Variants in NOVA1 observed in about 807,000 individuals in gnomAD.
The protein encoded by NOVA1 is RNA-binding protein Nova-1.
NOVA1 carries 7 observed loss-of-function variants against 38.0 expected under a neutral mutation model. The observed-to-expected ratio is 0.18, with a 90% confidence interval of 0.10 to 0.35. NOVA1 has a LOEUF of 0.35. Ranked by LOEUF, NOVA1 falls within the 10% of genes least tolerant of loss-of-function variation. NOVA1 has a pLI of 1.00. For synonymous variants in NOVA1, 270 were observed against 232.5 expected (o/e 1.16, Z -1.47); for missense variants, 460 against 616.0 (o/e 0.75, Z 2.68).
intron 2 of NOVA1, among the ~76,000 whole-genome samples, chr14:26,579,020 CTTTA>C (rs1893038543): frequency 1.3e-5 from 1 of 79,742 alleles, no homozygotes; most frequent in Non-Finnish European, 2.9e-5. Context: ...TTCTCAGTTT[CTTTA>C]TTTTTTTTTT....
chr14:26,576,517 T>G (rs1892853476), intron 2 of NOVA1, among the ~76,000 whole-genome samples: 2 of 151,916 alleles, frequency 1.3e-5, no homozygotes, highest in Admixed American at 1.3e-4. Flanking sequence ...CCTTAAGGTA[T>G]AATCCTCAAA....
chr14:26,489,141 T>A (rs1055718274), intron 2 of NOVA1, among the ~76,000 whole-genome samples: 3 of 152,262 alleles, frequency 2.0e-5, no homozygotes, highest in Admixed American at 6.5e-5. Context: ...ATTTCTGACA[T>A]GTAACAAAGT....
intron 4 of NOVA1, among the ~76,000 whole-genome samples, chr14:26,452,000 T>A (rs1752471889): frequency 6.6e-6 from 1 of 152,168 alleles, no homozygotes; most frequent in Admixed American, 6.5e-5. Flanking sequence ...TTATAATATA[T>A]AGCATTTTCT....
chr14:26,482,607 T>C (rs1327671445), intron 2 of NOVA1, among the ~76,000 whole-genome samples: 2 of 152,192 alleles, frequency 1.3e-5, no homozygotes, highest in Non-Finnish European at 2.9e-5. Flanking sequence ...TTTATTTCTC[T>C]TTGAAACACA....
chr14:26,465,415 C>T (rs1056960662), intron 4 of NOVA1, among the ~76,000 whole-genome samples: 4 of 152,328 alleles, frequency 2.6e-5, no homozygotes, highest in Admixed American at 6.5e-5. Context: ...AAGTGATCCA[C>T]TCGCCTCGGC....
intron 2 of NOVA1, among the ~76,000 whole-genome samples, chr14:26,527,526 C>A (rs773341682): frequency 4.4e-4 from 67 of 151,518 alleles, no homozygotes; most frequent in Non-Finnish European, 8.7e-4. Flanking sequence ...AAAAAAAAAA[C>A]CTTAGTGATT....
rs178181 is a variant in NOVA1, at chr14:26,514,695, G to A, written c.281-34552C>T. ...TATAAACTGGTATTATACCAGTACG[G>A]CCTTGCTACATAAAAACAGCCTTGA... On this transcript the variant is annotated intron_variant, in intron 2 of 4. Coordinates refer to ENST00000539517, the MANE Select transcript of NOVA1 (RefSeq NM_002515.3). 8.0e-4 allele frequency among the ~76,000 whole-genome samples: 122 copies of A among 151,672 alleles called. 1 individual carries two copies. In the East Asian group the frequency reaches 0.022, roughly 27 times the overall value.
intron 2 of NOVA1, among the ~76,000 whole-genome samples, chr14:26,578,437 G>A (rs978886612): frequency 3.9e-5 from 6 of 152,088 alleles, no homozygotes; most frequent in African/African-American, 1.4e-4. Context: ...GATACTGCAG[G>A]AAAGTGGAGA....
intron 2 of NOVA1, among the ~76,000 whole-genome samples, chr14:26,494,931 A>C (rs1886645718): frequency 6.6e-6 from 1 of 152,158 alleles, no homozygotes; most frequent in African/African-American, 2.4e-5. Context: ...TTCTCATCTC[A>C]TATTAAGAGT....
chr14:26,513,689 T>TA (rs999741614), intron 2 of NOVA1, among the ~76,000 whole-genome samples: 3 of 149,572 alleles, frequency 2.0e-5, no homozygotes, highest in Non-Finnish European at 3.0e-5. Flanking sequence ...TTTTATTTAA[T>TA]AAAAAAACAG....
intron 2 of NOVA1, among the ~76,000 whole-genome samples, chr14:26,528,841 T>C (rs1305761957): frequency 6.6e-6 from 1 of 152,186 alleles, no homozygotes; most frequent in Non-Finnish European, 1.5e-5. Context: ...ACAAACTCTT[T>C]TGTATATTCT....
At chr14:26,560,758 T>C (rs1442159583) in intron 2 of NOVA1, among the ~76,000 whole-genome samples, 1 of 152,090 alleles carries the variant, frequency 6.6e-6, no homozygotes, top group South Asian at 2.1e-4. Context: ...TGTGGGCAAA[T>C]TAATCTTTGT....
chr14:26,517,439 A>T (rs1171341057), intron 2 of NOVA1, among the ~76,000 whole-genome samples: 1 of 152,214 alleles, frequency 6.6e-6, no homozygotes, highest in Non-Finnish European at 1.5e-5. Context: ...GGCCACTAGA[A>T]TGTAAACTGA....
At chr14:26,521,811 T>A (rs1433046634) in intron 2 of NOVA1, among the ~76,000 whole-genome samples, 1 of 152,066 alleles carries the variant, frequency 6.6e-6, no homozygotes, top group African/African-American at 2.4e-5. Context: ...AAGGGTATTA[T>A]GTAGGAGTTT....
chr14:26,478,059 A>C (rs1428710167), intron 3 of NOVA1, among the ~76,000 whole-genome samples: 1 of 151,992 alleles, frequency 6.6e-6, no homozygotes, highest in African/African-American at 2.4e-5. Context: ...AAGTCTTACA[A>C]ATGGATGCAA....
chr14:26,563,929 T>C (rs1467346665), intron 2 of NOVA1, among the ~76,000 whole-genome samples: 1 of 152,140 alleles, frequency 6.6e-6, no homozygotes, highest in East Asian at 1.9e-4. Context: ...TCAGGTTGTA[T>C]CTGAACTAGT....
intron 2 of NOVA1, among the ~76,000 whole-genome samples, chr14:26,484,134 G>T (rs572546646): frequency 6.6e-6 from 1 of 151,902 alleles, no homozygotes; most frequent in African/African-American, 2.4e-5. Flanking sequence ...TATAGATGAA[G>T]GGTATAAAGA....
At chr14:26,460,009 G>A (rs1041569844) in intron 4 of NOVA1, among the ~76,000 whole-genome samples, 5 of 151,786 alleles carry the variant, frequency 3.3e-5, no homozygotes, top group African/African-American at 1.2e-4. Flanking sequence ...TATATTTACT[G>A]ATTAGGTGAA....
At chr14:26,454,064 G>GAC (rs1376587712) in intron 4 of NOVA1, among the ~76,000 whole-genome samples, 1 of 152,034 alleles carries the variant, frequency 6.6e-6, no homozygotes, top group Admixed American at 6.5e-5. Flanking sequence ...CTCTAGAACA[G>GAC]GGGTGTCCAA....
Sources: gnomAD v4.1 joint callset for allele counts (sites outside exome capture counted in the v4.1 genomes callset) on GRCh38, gnomAD v4.1.1 for gene constraint, MANE v1.5 for transcripts, NCBI Gene and HGNC (gene_info 2026-07-23, HGNC 2026-07-21) for gene names.